The following HORMAD2 variants were observed in gnomAD, a reference collection of about 807,000 sequenced individuals.
HORMAD2 encodes HORMA domain containing 2, also known as HORMA domain-containing protein 2.
In HORMAD2, 45 loss-of-function variants were observed where a neutral mutation model predicts 38.8. The ratio of observed to expected loss-of-function variants is 1.16; its 90% confidence interval spans 0.91 to 1.49. The LOEUF is 1.49. HORMAD2 is among the 40% of genes most tolerant of loss of function. The pLI, the probability that HORMAD2 is intolerant of heterozygous loss-of-function variation, is 0.00. For missense variants in HORMAD2, 338 were observed against 367.0 expected (o/e 0.92, Z 0.65); for synonymous variants, 126 against 122.8 (o/e 1.03, Z -0.17).
chr22:30,103,024 AT>A (rs1399977171), intron 3 of HORMAD2, among the ~76,000 whole-genome samples: 1 of 152,186 alleles, frequency 6.6e-6, no homozygotes, highest in Non-Finnish European at 1.5e-5. Context: ...TCCGTGTGAA[AT>A]TTTTTATTCC....
chr22:30,203,187 G>A, the HORMAD2 span, among the ~76,000 whole-genome samples: 6 of 152,290 alleles, frequency 3.9e-5, no homozygotes, highest in East Asian at 1.2e-3. Context: ...TTGAGGTCAG[G>A]AGTTTGTGAC....
intron 8 of HORMAD2, among the ~76,000 whole-genome samples, chr22:30,120,284 T>TA (rs1236661742): frequency 6.6e-6 from 1 of 152,234 alleles, no homozygotes; most frequent in Non-Finnish European, 1.5e-5. Context: ...TACATATCTA[T>TA]AGCCCTTCAT....
chr22:30,196,634 G>A, the HORMAD2 span, among the ~76,000 whole-genome samples: 1 of 152,216 alleles, frequency 6.6e-6, no homozygotes, highest in Admixed American at 6.5e-5. Context: ...TGGGCTGAAG[G>A]GAAGTGTCAA....
At position 30,176,250 on chromosome 22, in the gene HORMAD2, A is replaced by G; in HGVS notation, c.*83A>G. The stretch of plus-strand genomic sequence containing the variant: ...ATAAACTGTCTTAGCAGGAAAGTAC[A>G]TTCCTGTTACCAAAACCTTTTTCTA... On this transcript the variant is annotated 3_prime_UTR_variant, in exon 11 of 11. Transcript: ENST00000336726. 1.2e-5 allele frequency: 11 copies of G among 944,852 alleles called. No individual in the cohort carries two copies. The highest frequency in any genetic ancestry group is 1.7e-5 in the Non-Finnish European group (11 of 635,330). The allele number at this position is 944,852 out of a possible 1,614,324, so 58.5% of individuals were successfully genotyped here.
chr22:30,205,069 C>T, the HORMAD2 span, among the ~76,000 whole-genome samples: 2 of 152,240 alleles, frequency 1.3e-5, no homozygotes, highest in Admixed American at 6.5e-5. Flanking sequence ...CTCTGTGAGG[C>T]GGGCAGTTGA....
rs908593482 is a variant in HORMAD2, at chr22:30,161,266, T to C, written c.820-14797T>C. On this transcript the variant is annotated intron_variant, in intron 10 of 10. Coordinates refer to ENST00000336726, the MANE Select transcript of HORMAD2 (RefSeq NM_152510.4). ...TATAGGACCTATCTCTATAGTCATT[T>C]CTGTACTTACAGTTATGCTATGTTC... Among the ~76,000 whole-genome samples, 4 of 152,358 alleles carry C rather than the reference T, an allele frequency of 2.6e-5. No individual in the cohort carries two copies. The East Asian group carries it at 5.8e-4, about 22-fold the overall frequency.
At chr22:30,206,257 C>A in the HORMAD2 span, among the ~76,000 whole-genome samples, 19,171 of 152,134 alleles carry the variant, frequency 0.13, 2,385 homozygotes, top group African/African-American at 0.31. Context: ...ACCTCTGCCT[C>A]CTGGGTTCAA....
chr22:30,194,405 G>A, the HORMAD2 span, among the ~76,000 whole-genome samples: 4 of 152,200 alleles, frequency 2.6e-5, no homozygotes, highest in African/African-American at 9.7e-5. Context: ...AAAAATTGAA[G>A]AAGAGGAATG....
chr22:30,098,680 C>T (rs1920925312), intron 2 of HORMAD2, among the ~76,000 whole-genome samples, 172 bp from the exon 3 acceptor site: 1 of 152,286 alleles, frequency 6.6e-6, no homozygotes, highest in South Asian at 2.1e-4. Context: ...TCTGCCTTGC[C>T]TATGAAGATC....
downstream of HORMAD2, among the ~76,000 whole-genome samples, chr22:30,180,789 CCTTCCCTTTTTCT>C (rs1926663979): frequency 6.6e-6 from 1 of 151,140 alleles, no homozygotes; most frequent in Non-Finnish European, 1.5e-5. Context: ...CTTTCCCTTC[CCTTCCCTTTTTCT>C]CTTCCCTTCT....
chr22:30,117,415 G>C (rs1349194516), intron 7 of HORMAD2, among the ~76,000 whole-genome samples: 1 of 151,886 alleles, frequency 6.6e-6, no homozygotes, highest in South Asian at 2.1e-4. Flanking sequence ...TCAACTACTA[G>C]ATGTTTATTT....
rs1569123184 is a variant in HORMAD2, at chr22:30,175,282, TA to T, written c.820-779del. Among the ~76,000 whole-genome samples the T allele has an allele frequency of 6.8e-3, 967 of 142,100 alleles. 13 individuals carry two copies. The highest frequency in any genetic ancestry group is 0.024 in the African/African-American group (924 of 38,326). 93.2% of individuals were successfully genotyped at this position (142,100 alleles called of 152,430 possible). On this transcript the variant is annotated intron_variant, in intron 10 of 10. Transcript: ENST00000336726. The stretch of plus-strand genomic sequence containing the variant: ...AATATATATAATAATATATATAATA[TA>T]ATATAGAATATATATAATAATATAT...
At chr22:30,104,760 A>C (rs1921060585) in intron 5 of HORMAD2, among the ~76,000 whole-genome samples, 1 of 152,242 alleles carries the variant, frequency 6.6e-6, no homozygotes, top group African/African-American at 2.4e-5. Context: ...AATTTAGAAT[A>C]GTGGTGATTC....
intron 10 of HORMAD2, among the ~76,000 whole-genome samples, chr22:30,160,765 G>T (rs908594500): frequency 6.6e-6 from 1 of 152,156 alleles, no homozygotes; most frequent in African/African-American, 2.4e-5. Context: ...AATTGATGCT[G>T]TAGAAAATTC....
chr22:30,092,163 G>C (rs1017632125), intron 1 of HORMAD2, among the ~76,000 whole-genome samples: 3 of 151,612 alleles, frequency 2.0e-5, no homozygotes, highest in African/African-American at 4.9e-5. Flanking sequence ...TTACAGGTGT[G>C]AGCCACCTCG....
At chr22:30,142,952 TCTTTTGTCC>T (rs1924176658) in intron 10 of HORMAD2, among the ~76,000 whole-genome samples, 1 of 152,186 alleles carries the variant, frequency 6.6e-6, no homozygotes, top group South Asian at 2.1e-4. Flanking sequence ...TTATGTAGTC[TCTTTTGTCC>T]CTTTTTGGTA....
At chr22:30,085,736 CAGTG>C (rs1231042605) in intron 1 of HORMAD2, among the ~76,000 whole-genome samples, 1 of 152,166 alleles carries the variant, frequency 6.6e-6, no homozygotes, top group Non-Finnish European at 1.5e-5. Flanking sequence ...CTGGGTGACA[CAGTG>C]AGAGTCCTTT....
At chr22:30,117,951 A>C (rs1325687810) in intron 7 of HORMAD2, among the ~76,000 whole-genome samples, 5 of 152,138 alleles carry the variant, frequency 3.3e-5, no homozygotes, top group African/African-American at 1.2e-4. Context: ...AAAAAACAAG[A>C]CTTGATATCA....
chr22:30,155,758 G>A (rs747510820), intron 10 of HORMAD2, among the ~76,000 whole-genome samples: 1 of 152,126 alleles, frequency 6.6e-6, no homozygotes, highest in East Asian at 1.9e-4. Context: ...ATTCATTCTA[G>A]CTTTATCACT....
Sources: allele counts gnomAD v4.1 joint callset (sites outside exome capture counted in the v4.1 genomes callset), GRCh38; gene constraint gnomAD v4.1.1; transcripts MANE v1.5; gene names NCBI Gene and HGNC (gene_info 2026-07-23, HGNC 2026-07-21).